Variants in NXPE1 observed in about 807,000 individuals in gnomAD.
The protein encoded by NXPE1 is NXPE family member 1.
A neutral mutation model predicts 33.3 loss-of-function variants in NXPE1; 31 were observed. That is an observed-to-expected ratio of 0.93 (90% confidence interval 0.70 to 1.26). The LOEUF (loss-of-function observed/expected upper bound fraction) is 1.26, where lower values mean the gene tolerates loss of function less well. Among genes scored for constraint, NXPE1 ranks in the 50% most tolerant of loss-of-function variants. The pLI is 0.00. For synonymous variants in NXPE1, 229 were observed against 231.4 expected (o/e 0.99, Z 0.09); for missense variants, 661 against 655.6 (o/e 1.01, Z -0.09).
chr11:114,546,245 A>G (rs6589439), intron 5 of NXPE1, among the ~76,000 whole-genome samples: 35,884 of 152,038 alleles, frequency 0.24, 6,130 homozygotes, highest in African/African-American at 0.48. Context: ...ATGCTGGGAG[A>G]TGAACAAATA....
intron 6 of NXPE1, chr11:114,528,916 G>T (rs1257600700): frequency 3.7e-6 from 2 of 547,922 alleles, no homozygotes; most frequent in Admixed American, 4.9e-5. Flanking sequence ...GAGATTTGAT[G>T]AGATGTACCA....
intron 1 of NXPE1, among the ~76,000 whole-genome samples, chr11:114,557,536 C>T (rs185212916): frequency 6.6e-5 from 10 of 150,870 alleles, no homozygotes; most frequent in Admixed American, 3.3e-4. Context: ...AGTGATCCTT[C>T]TACCTTAGCC....
At chr11:114,529,100 A>G (rs527705590) in intron 6 of NXPE1, 8 of 323,274 alleles carry the variant, frequency 2.5e-5, no homozygotes, top group East Asian at 4.7e-5. Context: ...AAGCTTATGG[A>G]AAAAAGACTC....
At chr11:114,519,963 C>T (rs138111024), downstream of NXPE1, among the ~76,000 whole-genome samples, 3 of 149,370 alleles carry the variant, frequency 2.0e-5, no homozygotes, top group East Asian at 1.9e-4. Flanking sequence ...GCCATCTCGG[C>T]GAGCTTGCCC....
chr11:114,521,879 G>T, exon 9 of NXPE1: 3 of 1,020,576 alleles, frequency 2.9e-6, no homozygotes, highest in Non-Finnish European at 4.4e-6. Context: ...ATTTTCCTTA[G>T]TTCCTAAAAT....
chr11:114,552,384 G>C (rs1329272283), intron 2 of NXPE1, among the ~76,000 whole-genome samples: 1 of 152,080 alleles, frequency 6.6e-6, no homozygotes, highest in African/African-American at 2.4e-5. Flanking sequence ...ATTTCCAAAA[G>C]ACTGTCAATT....
At chr11:114,528,120 G>T (rs148884316) in intron 6 of NXPE1, among the ~76,000 whole-genome samples, 245 of 152,228 alleles carry the variant, frequency 1.6e-3, no homozygotes, top group African/African-American at 5.5e-3. Flanking sequence ...CAGCTCTACC[G>T]ATCTGCCACA....
Position 114,536,797 on chromosome 11 carries a change from A to G in NXPE1, c.100-5889T>C, listed in dbSNP as rs1331518071. ...AAATTGAGGCAATAATTAATAGCTTACCAACCAAAAAAAGTCCAGGACCAG... is the reference window on the plus strand; with the variant it reads ...AAATTGAGGCAATAATTAATAGCTTGCCAACCAAAAAAAGTCCAGGACCAG... On this transcript the variant is annotated intron_variant, in intron 5 of 8. Transcript: ENST00000534921. 2.6e-5 allele frequency among the ~76,000 whole-genome samples: 4 copies of G among 152,332 alleles called. No homozygotes were observed. In the East Asian group the frequency reaches 7.7e-4, roughly 29 times the overall value.
At chr11:114,532,718 T>A (rs899566828) in intron 5 of NXPE1, among the ~76,000 whole-genome samples, 3 of 152,214 alleles carry the variant, frequency 2.0e-5, no homozygotes, top group Non-Finnish European at 4.4e-5. Flanking sequence ...TCTCTGTGTG[T>A]ATGTGCATAT....
intron 7 of NXPE1, among the ~76,000 whole-genome samples, 178 bp from the exon 8 acceptor site, chr11:114,523,269 T>G (rs1000769769): frequency 1.3e-5 from 2 of 152,198 alleles, no homozygotes; most frequent in Non-Finnish European, 2.9e-5. Flanking sequence ...CTTCTGCTTA[T>G]TCCTTTAAGA....
At chr11:114,538,841 G>T (rs1435973729) in intron 5 of NXPE1, among the ~76,000 whole-genome samples, 2 of 151,910 alleles carry the variant, frequency 1.3e-5, no homozygotes, top group South Asian at 2.1e-4. Flanking sequence ...TGGTGGGACT[G>T]TAAACTAGTT....
chr11:114,531,294 T>A (rs1460445608), intron 5 of NXPE1, among the ~76,000 whole-genome samples: 1 of 152,174 alleles, frequency 6.6e-6, no homozygotes, highest in East Asian at 1.9e-4. Flanking sequence ...GTTTACTCTT[T>A]CTTTTCATAT....
chr11:114,532,882 G>C (rs1046734995), intron 5 of NXPE1, among the ~76,000 whole-genome samples: 1 of 152,132 alleles, frequency 6.6e-6, no homozygotes, highest in African/African-American at 2.4e-5. Context: ...ATGGATTAAA[G>C]ATAAAATCTC....
At chr11:114,558,061 G>A (rs2045241) in intron 1 of NXPE1, among the ~76,000 whole-genome samples, 52,718 of 151,574 alleles carry the variant, frequency 0.35, 9,468 homozygotes, top group East Asian at 0.66. Context: ...GCTCTCTGAC[G>A]CTTAACAGAT....
chr11:114,530,638 C>T, exon 6 of NXPE1: 1 of 1,614,202 alleles, frequency 6.2e-7, no homozygotes. Context: ...TGGTCCCTCA[C>T]CTCCAGTAGG....
At chr11:114,558,899 G>T (rs1453041103) in intron 1 of NXPE1, among the ~76,000 whole-genome samples, 1 of 152,148 alleles carries the variant, frequency 6.6e-6, no homozygotes, top group Non-Finnish European at 1.5e-5. Flanking sequence ...TTGATTATAT[G>T]TATAGCTGTA....
At chr11:114,525,407 G>A (rs1947338659) in intron 7 of NXPE1, among the ~76,000 whole-genome samples, 1 of 152,036 alleles carries the variant, frequency 6.6e-6, no homozygotes, top group Non-Finnish European at 1.5e-5. Flanking sequence ...TCCTGTACTA[G>A]GCTGACCCAC....
chr11:114,530,151 A>G (rs781601508), intron 6 of NXPE1, 24 bp downstream of exon 6: 4 of 1,566,602 alleles, frequency 2.6e-6, no homozygotes, highest in African/African-American at 1.4e-5. Context: ...GACACTTCTC[A>G]GTATACATGA....
In NXPE1 at chr11:114,530,205, AG is replaced by A. The variant is rs1947528061; in HGVS notation, c.802del (p.Thr269GlnfsTer17). 3 of 1,610,876 alleles carry A rather than the reference AG, an allele frequency of 1.9e-6. No homozygotes were observed. Among genetic ancestry groups the A allele is most frequent in the Non-Finnish European group, 2.5e-6 (3 of 1,178,898 alleles). On this transcript the variant is annotated frameshift_variant, in exon 6 of 9. Coordinates refer to ENST00000534921, the Ensembl canonical transcript of NXPE1. LOFTEE classifies it high-confidence loss of function. The stretch of plus-strand genomic sequence containing the variant: ...GAAAAGGCTGTTTTCCTTGTCTGTA[AG>A]ATAAGATACCTCTCTATTCCGGGTG...
Sources: allele counts gnomAD v4.1 joint callset (sites outside exome capture counted in the v4.1 genomes callset), GRCh38; gene constraint gnomAD v4.1.1; transcripts MANE v1.5; gene names NCBI Gene and HGNC (gene_info 2026-07-23, HGNC 2026-07-21).